The following BCR variants were observed in gnomAD, a reference collection of about 807,000 sequenced individuals.
The protein encoded by BCR is BCR activator of RhoGEF and GTPase.
In BCR, 58 loss-of-function variants were observed where a neutral mutation model predicts 138.6. The observed-to-expected ratio is 0.42, with a 90% CI of 0.34 to 0.52. The LOEUF is 0.52. Ranked by LOEUF, BCR falls within the 20% of genes least tolerant of loss-of-function variation. The pLI is 0.06. For synonymous variants in BCR, 786 were observed against 730.1 expected (o/e 1.08, Z -1.23); for missense variants, 1,599 against 1,727.2 (o/e 0.93, Z 1.32).
At chr22:23,185,912 G>A (rs1489572286) in intron 1 of BCR, among the ~76,000 whole-genome samples, 1 of 151,950 alleles carries the variant, frequency 6.6e-6, no homozygotes, top group Non-Finnish European at 1.5e-5. Context: ...TGTATTTTTA[G>A]TAGAGACGGG....
At chr22:23,311,247 C>T (rs1005713957) in intron 18 of BCR, among the ~76,000 whole-genome samples, 2 of 147,760 alleles carry the variant, frequency 1.4e-5, no homozygotes, top group African/African-American at 5.0e-5. Context: ...GCTGAGGCAA[C>T]CCTTCATTCA....
chr22:23,216,453 A>G, intron 1 of BCR, among the ~76,000 whole-genome samples: 1 of 152,228 alleles, frequency 6.6e-6, no homozygotes, highest in East Asian at 1.9e-4. Context: ...TGTAATACAA[A>G]AGGGGTTCCA....
At chr22:23,254,657 T>G (rs2073272657) in intron 2 of BCR, 1 of 511,330 alleles carries the variant, frequency 2.0e-6, no homozygotes, top group Non-Finnish European at 3.9e-6. Flanking sequence ...CTGATTCCTC[T>G]TGCTGGTCCC....
chr22:23,202,163 G>A (rs1168505829), intron 1 of BCR, among the ~76,000 whole-genome samples: 1 of 152,030 alleles, frequency 6.6e-6, no homozygotes, highest in Non-Finnish European at 1.5e-5. Flanking sequence ...TCTTTATGCA[G>A]CTGGTTAGTA....
At chr22:23,202,975 A>C (rs1418906395) in intron 1 of BCR, among the ~76,000 whole-genome samples, 1 of 151,954 alleles carries the variant, frequency 6.6e-6, no homozygotes, top group East Asian at 1.9e-4. Context: ...CTCCCACCTC[A>C]GCCTCCTGAG....
intron 1 of BCR, among the ~76,000 whole-genome samples, chr22:23,211,324 A>G (rs1187448784): frequency 7.3e-5 from 11 of 150,822 alleles, no homozygotes; most frequent in Admixed American, 2.0e-4. Context: ...CAGCCTCCCA[A>G]GTAGCTGGGA....
At chr22:23,313,125 C>G in intron 20 of BCR, 104 bp downstream of exon 20, 2 of 1,405,952 alleles carry the variant, frequency 1.4e-6, no homozygotes, top group South Asian at 1.3e-5. Flanking sequence ...GCTGTGCCCC[C>G]TCTGCCATGG....
chr22:23,181,277 ACCCGCCG>A lies in BCR; in HGVS notation c.325_331del (p.Pro109ArgfsTer68). The A allele has an allele frequency of 1.5e-6, 2 of 1,291,172 alleles. No individual in the cohort carries two copies. The highest frequency in any genetic ancestry group is 3.7e-5 in the Admixed American group (1 of 27,356). 80.0% of individuals were successfully genotyped at this position (1,291,172 alleles called of 1,614,324 possible). A position where few individuals can be genotyped will look rare whatever the true frequency, so the allele number is the denominator to read the frequency against. On this transcript the variant is annotated frameshift_variant, in exon 1 of 23. Coordinates refer to ENST00000305877, the MANE Select transcript of BCR (RefSeq NM_004327.4). LOFTEE classifies it high-confidence loss of function. ...CAGCCAGCGCCCGCCGACGGAGCCG[ACCCGCCG>A]CCCGCCGAGGAGCCCGAGGCCCGGC...
intron 16 of BCR, among the ~76,000 whole-genome samples, chr22:23,300,509 A>G (rs1289808346): frequency 3.9e-5 from 6 of 152,132 alleles, no homozygotes; most frequent in Non-Finnish European, 8.8e-5. Flanking sequence ...GCACATGGAC[A>G]TAAGATCCAC....
chr22:23,195,012 C>T (rs1209812301), intron 1 of BCR, among the ~76,000 whole-genome samples: 1 of 152,100 alleles, frequency 6.6e-6, no homozygotes. Context: ...AGTGGTGGCT[C>T]ATGCCTGTAA....
At chr22:23,254,679 G>T in intron 2 of BCR, 1 of 484,840 alleles carries the variant, frequency 2.1e-6, no homozygotes, top group Non-Finnish European at 4.2e-6. Flanking sequence ...CAGCTCAGGG[G>T]GCTGCTTCAG....
intron 1 of BCR, among the ~76,000 whole-genome samples, chr22:23,221,373 C>G (rs898955203): frequency 2.0e-5 from 3 of 152,216 alleles, no homozygotes; most frequent in Non-Finnish European, 2.9e-5. Flanking sequence ...CAGTCTGCTG[C>G]TTCTCTCCCC....
rs1477464675 is a variant in BCR at position 23,289,534 on chromosome 22, C to A, written c.2620C>A (p.Leu874Met). ...CCTCCCAGGTTTCAGAAGCTTCTCC[C>A]TGACATCCGTGGAGCTGCAGATGCT... ...QQKKCFRSFS[L>M]TSVELQMLTN... is the part of the protein sequence containing the mutation. The change falls in exon 13 of 23, where the codon CTG (leucine) becomes ATG (methionine). Residue 874 changes from leucine to methionine, a missense_variant. This residue lies in a region of BCR where 590 missense variants were observed against 762.4 expected (regional missense o/e 0.77). Transcript: ENST00000305877. The A allele has an allele frequency of 1.2e-6, 2 of 1,614,196 alleles. No homozygotes were observed. Among genetic ancestry groups the A allele is most frequent in the East Asian group, 4.5e-5 (2 of 44,886 alleles).
intron 1 of BCR, among the ~76,000 whole-genome samples, chr22:23,234,599 G>A (rs2073001031): frequency 1.3e-5 from 2 of 152,220 alleles, no homozygotes; most frequent in Non-Finnish European, 2.9e-5. Flanking sequence ...TCACAGCAGG[G>A]ATGGGGCTAT....
chr22:23,255,320 T>C (rs2073281117), intron 2 of BCR, among the ~76,000 whole-genome samples: 1 of 152,198 alleles, frequency 6.6e-6, no homozygotes, highest in Admixed American at 6.5e-5. Flanking sequence ...GGTAGCTTCC[T>C]ATCCCACGTC....
chr22:23,306,828 T>C (rs2073957727), intron 16 of BCR: 4 of 152,496 alleles, frequency 2.6e-5, no homozygotes, highest in Admixed American at 2.0e-4. Context: ...AGGGCCTCCT[T>C]TGGTACTTCC....
intron 1 of BCR, among the ~76,000 whole-genome samples, chr22:23,195,416 G>A (rs186818217): frequency 0.01 from 1,084 of 107,822 alleles, 6 homozygotes; most frequent in Non-Finnish European, 0.013. Context: ...GCGAAACTCC[G>A]TCTCAAAAAA....
Position 23,253,815 on chromosome 22 carries a change from A to G in BCR, c.1296A>G (p.Thr432=). The G allele has an allele frequency of 1.2e-6, 2 of 1,612,142 alleles. No individual in the cohort carries two copies. Among genetic ancestry groups the G allele is most frequent in the Non-Finnish European group, 1.7e-6 (2 of 1,179,212 alleles). The stretch of plus-strand genomic sequence containing the variant: ...CACACACAGATGGCTCGTTCGGAAC[A>G]CCACCTGGATACGGCTGCGCTGCAG... ...FHGDADGSFG[T]PPGYGCAADR... Residue 432 remains threonine (T), a synonymous_variant, in exon 2 of 23, where the codon ACA becomes ACG. Transcript: ENST00000305877.
chr22:23,183,065 G>T (rs1164656546), intron 1 of BCR, among the ~76,000 whole-genome samples: 4 of 152,214 alleles, frequency 2.6e-5, no homozygotes, highest in African/African-American at 9.7e-5. Context: ...GCACCCACAG[G>T]TGCTTATTTG....
Sources: allele counts gnomAD v4.1 joint callset (sites outside exome capture counted in the v4.1 genomes callset), GRCh38; gene constraint gnomAD v4.1.1; regional missense constraint gnomAD v4.1.1; transcripts MANE v1.5; gene names NCBI Gene and HGNC (gene_info 2026-07-23, HGNC 2026-07-21).